The following ZNHIT3 variants were observed in gnomAD, a reference collection of about 807,000 sequenced individuals.
ZNHIT3 encodes the protein zinc finger HIT domain-containing protein 3.
A neutral mutation model predicts 19.9 loss-of-function variants in ZNHIT3; 27 were observed. The ratio of observed to expected loss-of-function variants is 1.36; its 90% CI spans 1.00 to 1.87. The LOEUF (loss-of-function observed/expected upper bound fraction) is 1.87, where lower values mean the gene tolerates loss of function less well. ZNHIT3 is among the 40% of genes most tolerant of loss of function. The probability of loss-of-function intolerance (pLI) is 0.00; values close to 1 mark genes in which losing one functional copy is unlikely to be tolerated. For missense variants in ZNHIT3, 215 were observed against 185.6 expected, an observed-to-expected ratio of 1.16 and a Z score of -0.92; for synonymous variants, 81 against 65.7, an observed-to-expected ratio of 1.23 and a Z score of -1.13.
Position 36,495,466 on chromosome 17 carries a change from C to A in ZNHIT3, c.*62C>A. 1 of 1,484,444 alleles carries A rather than the reference C, an allele frequency of 6.7e-7. No homozygotes were observed. Among genetic ancestry groups the A allele is most frequent in the Non-Finnish European group, 8.9e-7 (1 of 1,120,268 alleles). The allele number at this position is 1,484,444 out of a possible 1,614,324, so 92.0% of individuals were successfully genotyped here. A position where few individuals can be genotyped will look rare whatever the true frequency, so the allele number is the denominator to read the frequency against. ...GACTCCTGGAACCTGCCTGCTCCCT[C>A]TCCCAGACCAGCTAGTTTGGGGCTG... On this transcript the variant is annotated 3_prime_UTR_variant, in exon 5 of 5. Transcript: ENST00000617429.
downstream of ZNHIT3, chr17:36,499,099 G>C (rs758592922): frequency 3.1e-6 from 5 of 1,610,168 alleles, no homozygotes; most frequent in South Asian, 5.5e-5. Flanking sequence ...ATGCACGCTT[G>C]ATGACTGTGG....
downstream of ZNHIT3, chr17:36,498,733 C>T: frequency 1.5e-6 from 1 of 668,004 alleles, no homozygotes; most frequent in Non-Finnish European, 2.5e-6. Flanking sequence ...AGTCTATACA[C>T]CCCAGGCAAC....
downstream of ZNHIT3, chr17:36,496,443 T>G (rs928611163): frequency 1.4e-5 from 22 of 1,608,158 alleles, no homozygotes; most frequent in African/African-American, 2.9e-4. Context: ...TAGCACTAGT[T>G]CCTGGGAGTG....
downstream of ZNHIT3, chr17:36,498,174 C>T: frequency 4.9e-6 from 7 of 1,431,172 alleles, no homozygotes; most frequent in Non-Finnish European, 6.6e-6. Flanking sequence ...GGATCTTGTC[C>T]CAGCCTCAGT....
At chr17:36,495,952 A>G (rs2070929487), downstream of ZNHIT3, 4 of 953,772 alleles carry the variant, frequency 4.2e-6, no homozygotes, top group East Asian at 1.3e-4. Context: ...CAGTGTAGTG[A>G]CAGACAGTCA....
chr17:36,496,243 AC>A (rs752967438), downstream of ZNHIT3: 1 of 1,613,662 alleles, frequency 6.2e-7, no homozygotes, highest in Non-Finnish European at 8.5e-7. Flanking sequence ...AAACAAAGGC[AC>A]CAAGGATCAC....
chr17:36,487,097 G>A, intron 2 of ZNHIT3, 131 bp downstream of exon 2: 3 of 1,271,484 alleles, frequency 2.4e-6, no homozygotes, highest in Non-Finnish European at 3.2e-6. Flanking sequence ...GGTTCTGCAG[G>A]AACCTTGCTT....
downstream of ZNHIT3, among the ~76,000 whole-genome samples, chr17:36,497,271 C>T (rs186260071): frequency 2.0e-5 from 3 of 151,864 alleles, no homozygotes; most frequent in Admixed American, 2.0e-4. Flanking sequence ...CCACTGCATT[C>T]CATCCTGGGC....
intron 2 of ZNHIT3, chr17:36,492,392 TC>T: frequency 5.9e-6 from 1 of 168,234 alleles, no homozygotes; most frequent in East Asian, 1.7e-4. Context: ...CAAGTGATCC[TC>T]CCACCTTGGC....
downstream of ZNHIT3, chr17:36,496,247 A>C: frequency 6.2e-7 from 1 of 1,613,720 alleles, no homozygotes; most frequent in Non-Finnish European, 8.5e-7. Flanking sequence ...AAAGGCACCA[A>C]GGATCACCCC....
intron 2 of ZNHIT3, among the ~76,000 whole-genome samples, chr17:36,488,740 T>TA (rs1305735000): frequency 1.3e-5 from 2 of 152,252 alleles, no homozygotes; most frequent in African/African-American, 4.8e-5. Context: ...TACAGTGTGA[T>TA]ACTTCGATAC....
intron 2 of ZNHIT3, chr17:36,490,595 G>C (rs1338183239): frequency 6.6e-6 from 1 of 152,058 alleles, no homozygotes; most frequent in Non-Finnish European, 1.5e-5. Flanking sequence ...ATTAATTTTA[G>C]AATTTTTTTT....
chr17:36,498,239 C>T (rs568029123), downstream of ZNHIT3: 51 of 1,592,380 alleles, frequency 3.2e-5, no homozygotes, highest in African/African-American at 5.6e-4. Context: ...AGGAACAAAG[C>T]TGTCATGGCC....
chr17:36,495,262 A>G lies in ZNHIT3; in HGVS notation c.326A>G (p.His109Arg). 6.2e-7 allele frequency: 1 copy of G among 1,609,936 alleles called. No individual in the cohort carries two copies. Among genetic ancestry groups the G allele is most frequent in the Non-Finnish European group, 8.5e-7 (1 of 1,178,992 alleles). Reference sequence around the variant, plus strand: ...TTAAGAAGCTTATTGCTCAATCCACACCTCAGGCAGTTGATGGTCAACCTC... The same window carrying G: ...TTAAGAAGCTTATTGCTCAATCCACGCCTCAGGCAGTTGATGGTCAACCTC... ...ATLRSLLLNP[H>R]LRQLMVNLDQ... The change falls in exon 5 of 5, where the codon CAC becomes CGC. Residue 109 changes from histidine to arginine, a missense_variant. Transcript: ENST00000617429.
Position 36,495,632 on chromosome 17 carries a change from A to ATGAT in ZNHIT3, c.*231_*234dup, listed in dbSNP as rs1414958116. ...TATGGAGAGAAAACTTGACATTCAG[A>ATGAT]TGATTGTTTTTAAATGTTTTACTTT... On this transcript the variant is annotated 3_prime_UTR_variant, in exon 5 of 5. Coordinates refer to ENST00000617429, the MANE Select transcript of ZNHIT3 (RefSeq NM_004773.4). 2 of 1,290,064 alleles carry ATGAT rather than the reference A, an allele frequency of 1.6e-6. No homozygotes were observed. Among genetic ancestry groups the ATGAT allele is most frequent in the Admixed American group, 7.4e-5 (2 of 27,116 alleles). 79.9% of individuals were successfully genotyped at this position (1,290,064 alleles called of 1,614,324 possible).
rs765359617 is a variant in ZNHIT3, at chr17:36,492,871, C to G, written c.177C>G (p.Thr59=). Reference sequence around the variant, plus strand: ...AAAAAATAAGATCAGCTCTTCCTACCAAAACCGTAAAGCCTGTGGAAAACA... The same window carrying G: ...AAAAAATAAGATCAGCTCTTCCTACGAAAACCGTAAAGCCTGTGGAAAACA... ...VEKKIRSALP[T]KTVKPVENKD... is the part of the protein sequence containing the mutation. Residue 59 remains threonine, a synonymous_variant, in exon 3 of 5, where the codon ACC becomes ACG. Coordinates refer to ENST00000617429, the MANE Select transcript of ZNHIT3 (RefSeq NM_004773.4). The G allele has an allele frequency of 6.2e-7, 1 of 1,614,164 alleles. No individual in the cohort carries two copies. The highest frequency in any genetic ancestry group is 1.1e-5 in the South Asian group (1 of 91,084).
chr17:36,488,907 G>C (rs1389608423), intron 2 of ZNHIT3, among the ~76,000 whole-genome samples: 1 of 152,172 alleles, frequency 6.6e-6, no homozygotes, highest in Non-Finnish European at 1.5e-5. Context: ...TGTAACACTA[G>C]AACTTATTCC....
In ZNHIT3 at chr17:36,495,426, C is replaced by T; in HGVS notation, c.*22C>T. The T allele has an allele frequency of 6.4e-7, 1 of 1,563,964 alleles. No homozygotes were observed. Among genetic ancestry groups the T allele is most frequent in the Non-Finnish European group, 8.7e-7 (1 of 1,155,596 alleles). On this transcript the variant is annotated 3_prime_UTR_variant, in exon 5 of 5. Transcript: ENST00000617429. The stretch of plus-strand genomic sequence containing the variant: ...TTAAGATGGATTATTGTGCTGCTTG[C>T]TCAAGCGTGTGCTTGACTCCTGGAA...
downstream of ZNHIT3, chr17:36,499,225 C>G (rs2005488): frequency 0.15 from 175,053 of 1,191,802 alleles, 15,435 homozygotes; most frequent in African/African-American, 0.33. Flanking sequence ...TCAGTGACCT[C>G]GCTGCAGCAG....
Sources: allele counts gnomAD v4.1 joint callset (sites outside exome capture counted in the v4.1 genomes callset), GRCh38; gene constraint gnomAD v4.1.1; transcripts MANE v1.5; gene names NCBI Gene and HGNC (gene_info 2026-07-23, HGNC 2026-07-21).